The following PARL variants were observed in gnomAD, a reference collection of about 807,000 sequenced individuals.
PARL encodes the protein presenilin associated rhomboid like.
A neutral mutation model predicts 51.6 loss-of-function variants in PARL; 44 were observed. The observed-to-expected ratio is 0.85, with a 90% CI of 0.67 to 1.10. The LOEUF (loss-of-function observed/expected upper bound fraction) is 1.10, where lower values mean the gene tolerates loss of function less well. Among genes scored for constraint, PARL ranks in the 50% least tolerant of loss-of-function variants. PARL has a pLI of 0.00. For missense variants in PARL, 441 were observed against 469.5 expected, an observed-to-expected ratio of 0.94 and a Z score of 0.56; for synonymous variants, 172 against 164.0, an observed-to-expected ratio of 1.05 and a Z score of -0.37.
chr3:183,879,763 C>T, intron 1 of PARL: 2 of 907,126 alleles, frequency 2.2e-6, no homozygotes, highest in Non-Finnish European at 2.6e-6. Context: ...GTCACCCAGG[C>T]TGGAGTGCAG....
chr3:183,866,366 C>G (rs1017105868), intron 3 of PARL, among the ~76,000 whole-genome samples: 2 of 152,188 alleles, frequency 1.3e-5, no homozygotes, highest in Non-Finnish European at 2.9e-5. Context: ...AATAACCAGG[C>G]TTCAAAACCT....
At chr3:183,848,710 G>T (rs1203605892) in intron 4 of PARL, among the ~76,000 whole-genome samples, 1 of 152,154 alleles carries the variant, frequency 6.6e-6, no homozygotes, top group East Asian at 1.9e-4. Context: ...AGCTCCCCAA[G>T]TATAAAACTT....
chr3:183,842,839 C>T (rs865808048), intron 5 of PARL, among the ~76,000 whole-genome samples: 12 of 122,316 alleles, frequency 9.8e-5, no homozygotes, highest in Non-Finnish European at 9.5e-5. Context: ...ATTTATGAAA[C>T]AAACATGGAA....
At chr3:183,853,600 T>A (rs1260159991) in intron 4 of PARL, among the ~76,000 whole-genome samples, 1 of 151,712 alleles carries the variant, frequency 6.6e-6, no homozygotes, top group Admixed American at 6.6e-5. Context: ...CAAAAAAAAA[T>A]CAAATAACTC....
chr3:183,866,793 T>C (rs1357745770), intron 2 of PARL, 28 bp from the exon 3 acceptor site: 9 of 1,482,908 alleles, frequency 6.1e-6, no homozygotes, highest in South Asian at 1.1e-5. Flanking sequence ...TATTACAAAA[T>C]AGATTTAAGA....
chr3:183,838,751 T>C (rs960006723), intron 7 of PARL, among the ~76,000 whole-genome samples: 1 of 152,216 alleles, frequency 6.6e-6, no homozygotes, highest in African/African-American at 2.4e-5. Context: ...TCCAAATACC[T>C]TACTGCCATA....
At chr3:183,857,592 C>T (rs1029619583) in intron 4 of PARL, among the ~76,000 whole-genome samples, 2 of 152,146 alleles carry the variant, frequency 1.3e-5, no homozygotes, top group Non-Finnish European at 2.9e-5. Flanking sequence ...AGTAACTAAA[C>T]ATGCAATGGT....
intron 4 of PARL, among the ~76,000 whole-genome samples, chr3:183,846,861 A>G (rs985267131): frequency 1.3e-5 from 2 of 152,254 alleles, no homozygotes; most frequent in Non-Finnish European, 2.9e-5. Context: ...TCTGAAGGCC[A>G]GTTATAGATG....
chr3:183,857,166 C>A (rs1332610088), intron 4 of PARL, among the ~76,000 whole-genome samples: 3 of 152,160 alleles, frequency 2.0e-5, no homozygotes, highest in Non-Finnish European at 4.4e-5. Flanking sequence ...GAGCTCAAGA[C>A]CAGCCTTGGG....
intron 1 of PARL, chr3:183,883,697 T>A (rs928669799): frequency 2.0e-6 from 2 of 985,010 alleles, no homozygotes; most frequent in Non-Finnish European, 2.4e-6. Context: ...TGTTAGTGTA[T>A]GAAGATACAA....
chr3:183,871,307 G>C (rs1434424039), intron 1 of PARL, among the ~76,000 whole-genome samples: 1 of 152,128 alleles, frequency 6.6e-6, no homozygotes, highest in Non-Finnish European at 1.5e-5. Context: ...TATATTCAAA[G>C]TAAGGTGGTA....
downstream of PARL, among the ~76,000 whole-genome samples, chr3:183,826,989 T>C (rs968852298): frequency 1.3e-5 from 2 of 152,068 alleles, no homozygotes; most frequent in Non-Finnish European, 1.5e-5. Context: ...GTAATTGAAC[T>C]GACAAGGCCA....
intron 4 of PARL, among the ~76,000 whole-genome samples, chr3:183,858,907 C>G (rs1168185759): frequency 6.6e-6 from 1 of 150,530 alleles, no homozygotes; most frequent in Non-Finnish European, 1.5e-5. Flanking sequence ...AAAATTAAGA[C>G]CAAAAAAAAA....
chr3:183,848,131 T>G (rs762107065), intron 4 of PARL, among the ~76,000 whole-genome samples: 1 of 152,244 alleles, frequency 6.6e-6, no homozygotes, highest in African/African-American at 2.4e-5. Flanking sequence ...AGAATCAACC[T>G]TTTCAGAACT....
intron 4 of PARL, among the ~76,000 whole-genome samples, chr3:183,852,277 A>G (rs1239760178): frequency 2.0e-5 from 3 of 152,262 alleles, no homozygotes; most frequent in African/African-American, 4.8e-5. Context: ...AGAAGAATGG[A>G]TAACCAAAAT....
At chr3:183,845,871 T>C (rs928255124) in intron 4 of PARL, among the ~76,000 whole-genome samples, 26 of 152,200 alleles carry the variant, frequency 1.7e-4, no homozygotes, top group Admixed American at 1.2e-3. Flanking sequence ...CAGTGATTGA[T>C]ATCTTAGGGT....
intron 1 of PARL, among the ~76,000 whole-genome samples, chr3:183,882,601 A>T (rs997693922): frequency 6.6e-6 from 1 of 152,172 alleles, no homozygotes; most frequent in Admixed American, 6.5e-5. Flanking sequence ...CCTTGGTAAC[A>T]GTAAAGTTTA....
intron 1 of PARL, among the ~76,000 whole-genome samples, chr3:183,873,762 T>TAA (rs1380078400): frequency 6.6e-6 from 1 of 152,110 alleles, no homozygotes; most frequent in Non-Finnish European, 1.5e-5. Flanking sequence ...GCACAAGTTT[T>TAA]AAAAGGAACA....
chr3:183,827,435 G>GAGAA (rs1462046370), downstream of PARL, among the ~76,000 whole-genome samples: 1 of 151,584 alleles, frequency 6.6e-6, no homozygotes, highest in Non-Finnish European at 1.5e-5. Context: ...GAGAGAGAGA[G>GAGAA]AGACCCTGTC....
Sources: allele counts gnomAD v4.1 joint callset (sites outside exome capture counted in the v4.1 genomes callset), GRCh38; gene constraint gnomAD v4.1.1; transcripts MANE v1.5; gene names NCBI Gene and HGNC (gene_info 2026-07-23, HGNC 2026-07-21).